KIAA0040: variants seen among roughly 807,000 people sequenced by gnomAD.
KIAA0040 encodes KIAA0040.
Under a neutral mutation model 7.2 loss-of-function variants are expected in KIAA0040, and 10 were observed. The ratio of observed to expected loss-of-function variants is 1.38; its 90% confidence interval spans 0.85 to 2.34. The LOEUF (loss-of-function observed/expected upper bound fraction) is 2.34, where lower values mean the gene tolerates loss of function less well. Among genes scored for constraint, KIAA0040 ranks in the 30% most tolerant of loss-of-function variants. The probability of loss-of-function intolerance (pLI) is 0.00; values close to 1 mark genes in which losing one functional copy is unlikely to be tolerated. For missense variants in KIAA0040, 89 were observed against 108.2 expected, an observed-to-expected ratio of 0.82 and a Z score of 0.79; for synonymous variants, 49 against 40.1, an observed-to-expected ratio of 1.22 and a Z score of -0.84.
chr1:175,175,059 G>A (rs77831401), intron 2 of KIAA0040, among the ~76,000 whole-genome samples: 4,917 of 152,226 alleles, frequency 0.032, 275 homozygotes, highest in African/African-American at 0.11. Flanking sequence ...TGAGTGGGGC[G>A]TTGCCTTTTC....
At chr1:175,192,334 C>T (rs182070938) in intron 1 of KIAA0040, among the ~76,000 whole-genome samples, 5 of 152,258 alleles carry the variant, frequency 3.3e-5, no homozygotes, top group Admixed American at 3.3e-4. Context: ...ACAGAATTTC[C>T]ATGTGTCCCC....
chr1:175,173,662 A>C (rs1239282867), intron 2 of KIAA0040, among the ~76,000 whole-genome samples: 1 of 152,216 alleles, frequency 6.6e-6, no homozygotes, highest in Admixed American at 6.5e-5. Flanking sequence ...CTATTCATCT[A>C]TCAACATGTA....
At position 175,159,084 on chromosome 1, in the gene KIAA0040, T is replaced by C. The variant is rs1676416798; in HGVS notation, c.*1630A>G. The C allele has an allele frequency of 6.6e-6, 1 of 152,282 alleles. No homozygotes were observed. The allele number at this position is 152,282 out of a possible 1,614,324, so 9.4% of individuals were successfully genotyped here. Reference sequence around the variant, plus strand: ...GTAGAATAGCTTCCTTGGGAAAATATTTCAAGAGAGCTGCCCAGCATATTT... The same window carrying C: ...GTAGAATAGCTTCCTTGGGAAAATACTTCAAGAGAGCTGCCCAGCATATTT... On this transcript the variant is annotated 3_prime_UTR_variant, in exon 4 of 4. Transcript: ENST00000423313.
chr1:175,188,333 A>C (rs748708039), intron 1 of KIAA0040, among the ~76,000 whole-genome samples: 9 of 152,172 alleles, frequency 5.9e-5, no homozygotes, highest in Admixed American at 2.6e-4. Context: ...GATGGCTCAG[A>C]CTGATGTGGC....
At chr1:175,184,941 A>G (rs974458605) in intron 1 of KIAA0040, among the ~76,000 whole-genome samples, 1 of 152,206 alleles carries the variant, frequency 6.6e-6, no homozygotes, top group Admixed American at 6.5e-5. Context: ...CTTCTTATTC[A>G]TCAGTGGTGG....
chr1:175,176,802 C>T lies in KIAA0040; in HGVS notation c.-310+809G>A, dbSNP rs12562203. 3.3e-3 allele frequency among the ~76,000 whole-genome samples: 497 copies of T among 148,394 alleles called. 9 individuals carry two copies. The East Asian group carries it at 0.051, about 15-fold the overall frequency. ...AGATATTCTTGTCCCTAGGAATAGCCGTCATCTCTTCCCTGATGCCCTCAG... is the reference window on the plus strand; with the variant it reads ...AGATATTCTTGTCCCTAGGAATAGCTGTCATCTCTTCCCTGATGCCCTCAG... On this transcript the variant is annotated intron_variant, in intron 2 of 3. Coordinates refer to ENST00000423313, the MANE Select transcript of KIAA0040 (RefSeq NM_014656.3).
At position 175,186,328 on chromosome 1, in the gene KIAA0040, T is replaced by C. The variant is rs79198629; in HGVS notation, c.-384+6312A>G. ...TATAAAATGTTGTCTGTGATCTCTT[T>C]ACTGTGTATTTATTCATTAATTCCA... is the stretch of plus-strand genomic sequence containing the variant. On this transcript the variant is annotated intron_variant, in intron 1 of 3. Coordinates refer to ENST00000423313, the MANE Select transcript of KIAA0040 (RefSeq NM_014656.3). 5.9e-3 allele frequency among the ~76,000 whole-genome samples: 896 copies of C among 152,388 alleles called. 8 individuals carry two copies. The highest frequency in any genetic ancestry group is 0.02 in the African/African-American group (846 of 41,588).
At chr1:175,189,613 G>A (rs906282113) in intron 1 of KIAA0040, among the ~76,000 whole-genome samples, 7 of 152,186 alleles carry the variant, frequency 4.6e-5, no homozygotes, top group Non-Finnish European at 8.8e-5. Flanking sequence ...CAATAGGAAA[G>A]CTGCAAGTCT....
chr1:175,192,098 A>G (rs1677887468), intron 1 of KIAA0040, among the ~76,000 whole-genome samples: 2 of 152,194 alleles, frequency 1.3e-5, no homozygotes, highest in Admixed American at 1.3e-4. Context: ...GGGTGGGACC[A>G]CTGAGAGTCA....
In KIAA0040 at chr1:175,178,414, A is replaced by T. The variant is rs570330320; in HGVS notation, c.-383-730T>A. On this transcript the variant is annotated intron_variant, in intron 1 of 3. Transcript: ENST00000423313. ...TCCCTTAGTTGTTTACTGAGTCCCT[A>T]TAATAAAAATAATGCTGCAAACATA... Among the ~76,000 whole-genome samples the T allele has an allele frequency of 2.0e-5, 3 of 152,354 alleles. No individual in the cohort carries two copies. The South Asian group carries it at 6.2e-4, about 32-fold the overall frequency.
intron 1 of KIAA0040, among the ~76,000 whole-genome samples, chr1:175,188,944 A>G (rs1312304986): frequency 6.6e-6 from 1 of 152,166 alleles, no homozygotes; most frequent in Admixed American, 6.5e-5. Context: ...GACCCTGGAT[A>G]GTATTGGGTA....
In KIAA0040 at chr1:175,159,793, G is replaced by T. The variant is rs1676452595; in HGVS notation, c.*921C>A. On this transcript the variant is annotated 3_prime_UTR_variant, in exon 4 of 4. Coordinates refer to ENST00000423313, the MANE Select transcript of KIAA0040 (RefSeq NM_014656.3). ...GCAGTCCACTGACATAAATGAGTGG[G>T]CTTCCATAATTTTCTAGCAGTCACC... The T allele has an allele frequency of 6.6e-6, 1 of 152,200 alleles. No individual in the cohort carries two copies. The highest frequency in any genetic ancestry group is 2.1e-4 in the South Asian group (1 of 4,828). The allele number at this position is 152,200 out of a possible 1,614,324, so 9.4% of individuals were successfully genotyped here. A position where few individuals can be genotyped will look rare whatever the true frequency, so the allele number is the denominator to read the frequency against.
chr1:175,183,636 A>T (rs1397807780), intron 1 of KIAA0040, among the ~76,000 whole-genome samples: 1 of 152,214 alleles, frequency 6.6e-6, no homozygotes, highest in African/African-American at 2.4e-5. Context: ...TTGGTCGGAC[A>T]TCTGGGGAGC....
At chr1:175,184,169 G>A (rs1571214565) in intron 1 of KIAA0040, among the ~76,000 whole-genome samples, 1 of 152,196 alleles carries the variant, frequency 6.6e-6, no homozygotes, top group East Asian at 1.9e-4. Context: ...TGAAGCTACT[G>A]CTTCTTGTAC....
chr1:175,168,407 A>G (rs535644928), intron 2 of KIAA0040, among the ~76,000 whole-genome samples: 10 of 152,314 alleles, frequency 6.6e-5, no homozygotes, highest in African/African-American at 1.9e-4. Context: ...CAGAGTATAT[A>G]TGATGCATAA....
At chr1:175,187,709 T>C (rs766732002) in intron 1 of KIAA0040, among the ~76,000 whole-genome samples, 1 of 150,194 alleles carries the variant, frequency 6.7e-6, no homozygotes, top group Non-Finnish European at 1.5e-5. Context: ...CCACGGCCTT[T>C]TTCCCTTCCC....
chr1:175,163,529 T>G (rs1326308614), intron 3 of KIAA0040, among the ~76,000 whole-genome samples: 1 of 152,224 alleles, frequency 6.6e-6, no homozygotes, highest in East Asian at 1.9e-4. Flanking sequence ...CCAGGCTCTC[T>G]GTAGAGAAAA....
Position 175,183,117 on chromosome 1 carries a change from C to T in KIAA0040, c.-383-5433G>A, listed in dbSNP as rs74928497. On this transcript the variant is annotated intron_variant, in intron 1 of 3. Coordinates refer to ENST00000423313, the MANE Select transcript of KIAA0040 (RefSeq NM_014656.3). The stretch of plus-strand genomic sequence containing the variant: ...CCATTTTCTGGAATCATCTGTAGCG[C>T]GGAGATATCATAGTTGAAAATTTCT... Among the ~76,000 whole-genome samples, 168 of 152,286 alleles carry T rather than the reference C, an allele frequency of 1.1e-3. 3 individuals are homozygous for T. In the East Asian group the frequency reaches 0.03, roughly 28 times the overall value.
chr1:175,178,299 T>G lies in KIAA0040; in HGVS notation c.-383-615A>C, dbSNP rs572100825. On this transcript the variant is annotated intron_variant, in intron 1 of 3. Coordinates refer to ENST00000423313, the MANE Select transcript of KIAA0040 (RefSeq NM_014656.3). ...GGAGGCAGGGGGGCAGCACCTTCAG[T>G]GTGAGCAGAAGGAATGGTACCTACA... is the stretch of plus-strand genomic sequence containing the variant. 2.8e-4 allele frequency among the ~76,000 whole-genome samples: 42 copies of G among 152,308 alleles called. No individual in the cohort carries two copies. In the Middle Eastern group the frequency reaches 0.01, roughly 37 times the overall value.
Sources: allele counts gnomAD v4.1 joint callset (sites outside exome capture counted in the v4.1 genomes callset), GRCh38; gene constraint gnomAD v4.1.1; transcripts MANE v1.5; gene names NCBI Gene and HGNC (gene_info 2026-07-23, HGNC 2026-07-21).